Variants in GABBR2 observed in about 807,000 individuals in gnomAD.
GABBR2 encodes the protein G-protein coupled receptor 51.
GABBR2 carries 23 observed loss-of-function variants against 105.6 expected under a neutral mutation model. The ratio of observed to expected loss-of-function variants is 0.22; its 90% CI spans 0.16 to 0.31. The LOEUF is 0.31. GABBR2 is among the 10% of genes least tolerant of loss of function. The pLI is 1.00. For synonymous variants in GABBR2, 478 were observed against 499.7 expected (o/e 0.96, Z 0.58); for missense variants, 734 against 1,245.5 (o/e 0.59, Z 6.18).
intron 8 of GABBR2, among the ~76,000 whole-genome samples, chr9:98,399,367 A>G (rs1832349765): frequency 6.6e-6 from 1 of 151,750 alleles, no homozygotes; most frequent in Non-Finnish European, 1.5e-5. Flanking sequence ...AAAAAAAAAA[A>G]AGAATTCATC....
At chr9:98,632,085 G>C (rs1238614486) in intron 1 of GABBR2, among the ~76,000 whole-genome samples, 1 of 152,144 alleles carries the variant, frequency 6.6e-6, no homozygotes, top group Non-Finnish European at 1.5e-5. Context: ...GATGCCCCAG[G>C]GTGGTATGTA....
chr9:98,629,450 A>T (rs113491957), intron 1 of GABBR2, among the ~76,000 whole-genome samples: 21 of 152,340 alleles, frequency 1.4e-4, no homozygotes, highest in African/African-American at 5.1e-4. Flanking sequence ...TCAAGACTAG[A>T]TTATAAAAAC....
chr9:98,410,926 T>G (rs1380340702), intron 7 of GABBR2, among the ~76,000 whole-genome samples: 3 of 152,180 alleles, frequency 2.0e-5, no homozygotes, highest in Non-Finnish European at 4.4e-5. Context: ...GCCACAACAG[T>G]CTCTACCTGT....
chr9:98,669,532 G>A (rs184285123), intron 1 of GABBR2, among the ~76,000 whole-genome samples: 6 of 152,034 alleles, frequency 3.9e-5, no homozygotes, highest in Non-Finnish European at 7.4e-5. Context: ...ATTCAGGCAC[G>A]CTTCTAGAGT....
chr9:98,433,586 C>A (rs144732354), intron 7 of GABBR2, among the ~76,000 whole-genome samples: 332 of 152,260 alleles, frequency 2.2e-3, no homozygotes, highest in Non-Finnish European at 3.6e-3. Flanking sequence ...AAGCTTGGGG[C>A]ATTGAGGAGA....
chr9:98,308,436 G>A (rs1456530731), intron 14 of GABBR2, among the ~76,000 whole-genome samples: 1 of 152,160 alleles, frequency 6.6e-6, no homozygotes, highest in African/African-American at 2.4e-5. Context: ...TGGGTTGAAT[G>A]GTGACTCTAA....
chr9:98,544,147 G>A (rs1442745526), intron 2 of GABBR2, among the ~76,000 whole-genome samples: 2 of 152,066 alleles, frequency 1.3e-5, no homozygotes, highest in Admixed American at 1.3e-4. Flanking sequence ...TGTCCCAGCA[G>A]CAGCTCTGGA....
intron 2 of GABBR2, among the ~76,000 whole-genome samples, chr9:98,552,745 T>C (rs1047313445): frequency 2.6e-5 from 4 of 152,174 alleles, no homozygotes; most frequent in African/African-American, 7.2e-5. Flanking sequence ...TTAAATCTCT[T>C]TAGTCAGAGA....
At chr9:98,692,909 C>A (rs187629225) in intron 1 of GABBR2, among the ~76,000 whole-genome samples, 9 of 152,198 alleles carry the variant, frequency 5.9e-5, no homozygotes, top group Non-Finnish European at 8.8e-5. Flanking sequence ...AAATGAGACA[C>A]CAACTGCCCT....
At chr9:98,420,400 T>C (rs764563276) in intron 7 of GABBR2, among the ~76,000 whole-genome samples, 2 of 152,138 alleles carry the variant, frequency 1.3e-5, no homozygotes, top group African/African-American at 2.4e-5. Flanking sequence ...GCCAGGCTGG[T>C]AGGAGGAGCA....
chr9:98,391,197 A>T (rs1267851107), intron 9 of GABBR2, among the ~76,000 whole-genome samples: 1 of 152,132 alleles, frequency 6.6e-6, no homozygotes, highest in African/African-American at 2.4e-5. Context: ...GAACTTACAC[A>T]CTAGCCATAG....
At chr9:98,399,272 T>G (rs990152027) in intron 8 of GABBR2, among the ~76,000 whole-genome samples, 1 of 150,540 alleles carries the variant, frequency 6.6e-6, no homozygotes, top group Admixed American at 6.6e-5. Context: ...GAGAATTGCT[T>G]GAACCTGGGA....
At chr9:98,653,004 A>C (rs1399879293) in intron 1 of GABBR2, among the ~76,000 whole-genome samples, 1 of 152,114 alleles carries the variant, frequency 6.6e-6, no homozygotes, top group East Asian at 1.9e-4. Context: ...TTTTTTAACT[A>C]ATCATTTTTA....
intron 13 of GABBR2, among the ~76,000 whole-genome samples, chr9:98,316,227 C>A (rs1830715559): frequency 6.6e-6 from 1 of 152,104 alleles, no homozygotes; most frequent in Non-Finnish European, 1.5e-5. Context: ...TCTCAGCTCA[C>A]TGCAACCTCT....
chr9:98,341,000 T>C (rs1831203032), intron 13 of GABBR2, among the ~76,000 whole-genome samples: 1 of 152,250 alleles, frequency 6.6e-6, no homozygotes, highest in African/African-American at 2.4e-5. Context: ...CCTGAAGAGT[T>C]CCTGGACAGG....
intron 1 of GABBR2, among the ~76,000 whole-genome samples, chr9:98,691,483 G>C (rs567828279): frequency 1.3e-5 from 2 of 152,328 alleles, no homozygotes; most frequent in African/African-American, 4.8e-5. Context: ...TCCGTTGACT[G>C]GGGGGTTGTG....
chr9:98,373,950 A>G (rs926811310), intron 11 of GABBR2, among the ~76,000 whole-genome samples: 6 of 140,562 alleles, frequency 4.3e-5, no homozygotes, highest in African/African-American at 1.6e-4. Context: ...CTCCATCTCC[A>G]GAGCTCAAAC....
chr9:98,324,500 A>G (rs1022799060), intron 13 of GABBR2, among the ~76,000 whole-genome samples: 1 of 38,576 alleles, frequency 2.6e-5, no homozygotes, highest in African/African-American at 1.1e-4. Context: ...GCCGACACAC[A>G]CACACACACA....
In GABBR2 at chr9:98,426,681, C is replaced by T. The variant is rs76813131; in HGVS notation, c.1237-20540G>A. On this transcript the variant is annotated intron_variant, in intron 7 of 18. Coordinates refer to ENST00000259455, the MANE Select transcript of GABBR2 (RefSeq NM_005458.8). Reference sequence around the variant, plus strand: ...ACTAAGCCTAAAAATCTTCCATCAGCTAAAATATCTTCCATTAAGAGAAAA... The same window carrying T: ...ACTAAGCCTAAAAATCTTCCATCAGTTAAAATATCTTCCATTAAGAGAAAA... 2.5e-3 allele frequency among the ~76,000 whole-genome samples: 381 copies of T among 152,282 alleles called. 2 individuals carry two copies. The highest frequency in any genetic ancestry group is 3.9e-3 in the Non-Finnish European group (267 of 68,024).
Sources: allele counts gnomAD v4.1 joint callset (sites outside exome capture counted in the v4.1 genomes callset), GRCh38; gene constraint gnomAD v4.1.1; transcripts MANE v1.5; gene names NCBI Gene and HGNC (gene_info 2026-07-23, HGNC 2026-07-21).